SCP2: variants seen among roughly 807,000 people sequenced by gnomAD.
SCP2 encodes the protein SCP-2/3-oxoacyl-CoA thiolase.
In SCP2, 48 loss-of-function variants were observed where a neutral mutation model predicts 71.4. The ratio of observed to expected loss-of-function variants is 0.67; its 90% CI spans 0.53 to 0.86. The LOEUF is 0.86. Among genes scored for constraint, SCP2 ranks in the 40% least tolerant of loss-of-function variants. SCP2 has a pLI of 0.00. For missense variants in SCP2, 560 were observed against 655.6 expected (o/e 0.85, Z 1.59); for synonymous variants, 220 against 218.1 (o/e 1.01, Z -0.08).
intron 6 of SCP2, among the ~76,000 whole-genome samples, chr1:52,972,484 T>C (rs1216216692): frequency 6.6e-6 from 1 of 152,230 alleles, no homozygotes; most frequent in African/African-American, 2.4e-5. Flanking sequence ...TCAGACACCA[T>C]GCCAAGTACT....
intron 12 of SCP2, 37 bp downstream of exon 12, chr1:53,015,080 C>T (rs1557609760): frequency 1.9e-6 from 3 of 1,597,634 alleles, no homozygotes; most frequent in Non-Finnish European, 2.6e-6. Context: ...TCAGTTAATC[C>T]TTCTGACTTT....
chr1:52,957,197 TGCCCCTGGCCCCTG>T (rs60491467), intron 5 of SCP2, among the ~76,000 whole-genome samples: 59,575 of 151,676 alleles, frequency 0.39, 13,063 homozygotes, highest in East Asian at 0.9. Flanking sequence ...CGTGAGCCAC[TGCCCCTGGCCCCTG>T]GCCCCTGGCC....
chr1:52,962,763 C>G (rs1287116609), intron 6 of SCP2, among the ~76,000 whole-genome samples: 1 of 152,074 alleles, frequency 6.6e-6, no homozygotes, highest in Non-Finnish European at 1.5e-5. Flanking sequence ...TAAAAGCCAC[C>G]TTCTGCTTTC....
intron 10 of SCP2, 49 bp from the exon 11 acceptor site, chr1:52,987,980 G>T: frequency 1.1e-6 from 1 of 951,530 alleles, no homozygotes; most frequent in South Asian, 1.3e-5. Context: ...CATATCATTT[G>T]TTCTATTGTT....
intron 11 of SCP2, among the ~76,000 whole-genome samples, chr1:53,000,451 C>T (rs1465764570): frequency 6.6e-6 from 1 of 152,050 alleles, no homozygotes; most frequent in African/African-American, 2.4e-5. Context: ...GGCCTTTTGT[C>T]GTAGTTCAGC....
chr1:52,972,707 T>C (rs1301225764), intron 6 of SCP2, among the ~76,000 whole-genome samples: 1 of 152,234 alleles, frequency 6.6e-6, no homozygotes, highest in African/African-American at 2.4e-5. Context: ...CATGGTCTTG[T>C]TTTTGTCTTC....
intron 14 of SCP2, among the ~76,000 whole-genome samples, chr1:53,044,253 T>A (rs1159920255): frequency 6.6e-6 from 1 of 152,182 alleles, no homozygotes; most frequent in African/African-American, 2.4e-5. Flanking sequence ...AGATGGGGTT[T>A]CACCATGTTG....
intron 11 of SCP2, chr1:52,994,688 C>A (rs541895269): frequency 9.4e-6 from 6 of 639,826 alleles, no homozygotes; most frequent in Non-Finnish European, 1.6e-5. Context: ...CCCATGCATA[C>A]CTTGAGGCGA....
At chr1:53,045,892 T>C (rs763770155) in intron 14 of SCP2, among the ~76,000 whole-genome samples, 35 of 152,216 alleles carry the variant, frequency 2.3e-4, no homozygotes, top group Non-Finnish European at 4.1e-4. Context: ...ACTAGTTTGA[T>C]TTCTCTCCCT....
In SCP2 at chr1:53,014,958, G is replaced by A; in HGVS notation, c.1150G>A (p.Ala384Thr). ...AGCCGGAAAGAGGCAAGTTCCTGGT[G>A]CAAAGGTGGCTCTGCAGCATAATTT... Reference protein sequence around the residue: ...GEAGKRQVPGAKVALQHNLGI... With the variant: ...GEAGKRQVPGTKVALQHNLGI... Residue 384 changes from alanine to threonine, a missense_variant, in exon 12 of 16, where the codon GCA (alanine) becomes ACA (threonine). By Grantham distance (58) the Ala-to-Thr change is moderately conservative. Around this residue, in one of 3 missense-constraint regions of SCP2, gnomAD observed 513 missense variants for 573.1 expected, o/e 0.90. Transcript: ENST00000371514. 1 of 1,614,104 alleles carries A rather than the reference G, an allele frequency of 6.2e-7. No individual in the cohort carries two copies. The highest frequency in any genetic ancestry group is 8.5e-7 in the Non-Finnish European group (1 of 1,180,002).
intron 10 of SCP2, among the ~76,000 whole-genome samples, chr1:52,983,798 C>G (rs888390558): frequency 6.6e-6 from 1 of 152,104 alleles, no homozygotes; most frequent in African/African-American, 2.4e-5. Context: ...TTGGGTTTTG[C>G]ATCTGTTGAT....
At chr1:53,013,885 T>C (rs1661147905) in intron 11 of SCP2, among the ~76,000 whole-genome samples, 1 of 65,486 alleles carries the variant, frequency 1.5e-5, no homozygotes, top group Non-Finnish European at 2.6e-5. Flanking sequence ...GAACATTCTT[T>C]TTTTTTTTTT....
chr1:53,026,055 G>T (rs1322397740), intron 12 of SCP2, among the ~76,000 whole-genome samples: 1 of 151,940 alleles, frequency 6.6e-6, no homozygotes, highest in Non-Finnish European at 1.5e-5. Context: ...CTTTAATAAG[G>T]TCTTAGAGGT....
rs565770776 is a variant in SCP2, at chr1:52,954,628, G to A, written c.332-112G>A. On this transcript the variant is annotated intron_variant, in intron 4 of 15. Coordinates refer to ENST00000371514, the MANE Select transcript of SCP2 (RefSeq NM_002979.5). ...ATCTCCCAAACTGATGGGACTATAA[G>A]TTCGAGCCATTGTGTGCTCACTTGA... The A allele has an allele frequency of 1.0e-4, 92 of 902,680 alleles. No individual in the cohort carries two copies. The South Asian group carries it at 1.2e-3, about 12-fold the overall frequency. 55.9% of individuals were successfully genotyped at this position (902,680 alleles called of 1,614,324 possible). A position where few individuals can be genotyped will look rare whatever the true frequency, so the allele number is the denominator to read the frequency against.
intron 11 of SCP2, among the ~76,000 whole-genome samples, chr1:53,009,549 G>A (rs936990177): frequency 2.6e-5 from 4 of 152,116 alleles, no homozygotes; most frequent in South Asian, 4.1e-4. Flanking sequence ...TTTAGTAAAC[G>A]GTGCTGGGAA....
chr1:52,956,773 T>C (rs1655833927), intron 5 of SCP2, among the ~76,000 whole-genome samples: 1 of 152,178 alleles, frequency 6.6e-6, no homozygotes, highest in South Asian at 2.1e-4. Flanking sequence ...TGTATTTTTT[T>C]CAGCAGTGAA....
At chr1:53,011,351 C>G (rs945201926) in intron 11 of SCP2, among the ~76,000 whole-genome samples, 1 of 152,196 alleles carries the variant, frequency 6.6e-6, no homozygotes, top group African/African-American at 2.4e-5. Flanking sequence ...CTTTTCCATT[C>G]TGTGTCTATT....
At chr1:53,005,621 C>G (rs955017765) in intron 11 of SCP2, among the ~76,000 whole-genome samples, 1 of 152,154 alleles carries the variant, frequency 6.6e-6, no homozygotes, top group Non-Finnish European at 1.5e-5. Flanking sequence ...CCCATCTGTA[C>G]GTCACCATCA....
intron 1 of SCP2, among the ~76,000 whole-genome samples, chr1:52,931,854 T>G (rs1653180410): frequency 6.6e-6 from 1 of 151,942 alleles, no homozygotes; most frequent in South Asian, 2.1e-4. Flanking sequence ...AGAAGACACT[T>G]AGGGAACAAA....
Sources: gnomAD v4.1 joint callset for allele counts (sites outside exome capture counted in the v4.1 genomes callset) on GRCh38, gnomAD v4.1.1 for gene constraint, gnomAD v4.1.1 regional missense constraint, MANE v1.5 for transcripts, NCBI Gene and HGNC (gene_info 2026-07-23, HGNC 2026-07-21) for gene names.